CLTC: variants seen among roughly 807,000 people sequenced by gnomAD.
CLTC encodes the protein clathrin heavy chain 1.
In CLTC, 16 loss-of-function variants were observed where a neutral mutation model predicts 195.8. The observed-to-expected ratio is 0.08, with a 90% confidence interval of 0.06 to 0.12. The LOEUF (loss-of-function observed/expected upper bound fraction) is 0.12, where lower values mean the gene tolerates loss of function less well. CLTC is among the 10% of genes least tolerant of loss of function. CLTC has a pLI of 1.00. For synonymous variants in CLTC, 667 were observed against 689.4 expected (o/e 0.97, Z 0.51); for missense variants, 796 against 2,027.0 (o/e 0.39, Z 11.66).
intron 6 of CLTC, among the ~76,000 whole-genome samples, chr17:59,658,374 C>T (rs1414163982): frequency 3.3e-5 from 5 of 152,172 alleles, no homozygotes; most frequent in African/African-American, 4.8e-5. Context: ...TTTAAGATAG[C>T]GCTTAACCTT....
intron 6 of CLTC, among the ~76,000 whole-genome samples, chr17:59,659,991 T>G (rs1303576857): frequency 6.6e-6 from 1 of 152,232 alleles, no homozygotes; most frequent in Non-Finnish European, 1.5e-5. Context: ...TTCTGTAGGT[T>G]ATCAAGATTG....
chr17:59,641,104 C>T (rs1348611484), intron 1 of CLTC, among the ~76,000 whole-genome samples: 2 of 131,910 alleles, frequency 1.5e-5, no homozygotes, highest in Non-Finnish European at 3.4e-5. Context: ...GGTGACAGAG[C>T]GAGACTCGGT....
rs199946332 is a variant in CLTC, at chr17:59,682,591, A to T, written c.3601-38A>T. The T allele has an allele frequency of 2.0e-5, 32 of 1,609,232 alleles. No individual in the cohort carries two copies. Among genetic ancestry groups the T allele is most frequent in the Non-Finnish European group, 2.5e-5 (30 of 1,176,534 alleles). ...TTGAAAAGAGGATTAAGCTCACACT[A>T]ATATCTTGCTGAATGTGGGTTACCT... is the stretch of plus-strand genomic sequence containing the variant. On this transcript the variant is annotated intron_variant, in intron 22 of 31. Transcript: ENST00000269122. The surrounding 1 kb of genome is among the most constrained non-coding windows in gnomAD (Gnocchi z 6.8).
At chr17:59,654,549 C>G (rs184067068) in intron 5 of CLTC, among the ~76,000 whole-genome samples, 1 of 151,934 alleles carries the variant, frequency 6.6e-6, no homozygotes, top group Admixed American at 6.6e-5. Flanking sequence ...GGCACCATCT[C>G]GGCTCACTGC....
At position 59,666,091 on chromosome 17, in the gene CLTC, C is replaced by CT; in HGVS notation, c.1645-5dup. The stretch of plus-strand genomic sequence containing the variant: ...TATCTTAAAACAATTTCTTTTAAAT[C>CT]TTTTTTTGTAGATTGTAGATGTCTT... On this transcript the variant is annotated splice_polypyrimidine_tract_variant and intron_variant, in intron 10 of 31. Transcript: ENST00000269122. The surrounding 1 kb of genome is among the most constrained non-coding windows in gnomAD (Gnocchi z 4.9). 4 of 1,582,806 alleles carry CT rather than the reference C, an allele frequency of 2.5e-6. No homozygotes were observed. The highest frequency in any genetic ancestry group is 1.1e-5 in the South Asian group (1 of 88,944).
rs2087299884 is a variant in CLTC, at chr17:59,695,916, A to AT, written c.*2065dup. The AT allele has an allele frequency of 5.0e-6, 1 of 202,002 alleles. No individual in the cohort carries two copies. The allele number at this position is 202,002 out of a possible 1,614,324, so 12.5% of individuals were successfully genotyped here. A position where few individuals can be genotyped will look rare whatever the true frequency, so the allele number is the denominator to read the frequency against. ...TTCTGCAGAGTATACTTTGAAAACTATAAGATTATGAGTTCTATAAAATAC... is the reference window on the plus strand; with the variant it reads ...TTCTGCAGAGTATACTTTGAAAACTATTAAGATTATGAGTTCTATAAAATAC... On this transcript the variant is annotated 3_prime_UTR_variant, in exon 32 of 32. Transcript: ENST00000269122.
rs1038180264 is a variant in CLTC at position 59,663,987 on chromosome 17, C to T, written c.1514C>T (p.Ala505Val). 6.8e-6 allele frequency: 11 copies of T among 1,610,368 alleles called. No individual in the cohort carries two copies. Among genetic ancestry groups the T allele is most frequent in the Non-Finnish European group, 9.3e-6 (11 of 1,178,786 alleles). The change falls in exon 9 of 32, where the codon GCT becomes GTT. Residue 505 changes from alanine (A) to valine (V), a missense_variant. Transcript: ENST00000269122. ...CAAGTCCAAAAGATTGTTTTATATGCTAAAAAAGTGAGTTCAATGAAACAC... is the reference window on the plus strand; with the variant it reads ...CAAGTCCAAAAGATTGTTTTATATGTTAAAAAAGTGAGTTCAATGAAACAC... ...TGQVQKIVLY[A>V]KKVGYTPDWI...
chr17:59,681,979 G>A lies in CLTC; in HGVS notation c.3442+140G>A. ...CTCCATCTTAGTCCAGATAAAAAGA[G>A]GCTGTATTTTGTGAATTTGTAAGTT... On this transcript the variant is annotated intron_variant, in intron 21 of 31. Coordinates refer to ENST00000269122, the MANE Select transcript of CLTC (RefSeq NM_004859.4). This position sits in a 1 kb window ranked among gnomAD's most constrained non-coding sequence, Gnocchi z 5.0. 1 of 800,128 alleles carries A rather than the reference G, an allele frequency of 1.2e-6. No individual in the cohort carries two copies. The allele number at this position is 800,128 out of a possible 1,614,324, so 49.6% of individuals were successfully genotyped here.
intron 31 of CLTC, among the ~76,000 whole-genome samples, chr17:59,691,635 AT>A (rs2033302652): frequency 7.1e-6 from 1 of 140,436 alleles, no homozygotes; most frequent in African/African-American, 2.9e-5. Flanking sequence ...AAAAAAAAAT[AT>A]ATATATATAT....
chr17:59,627,607 T>G (rs567689546), intron 1 of CLTC, among the ~76,000 whole-genome samples: 2 of 152,332 alleles, frequency 1.3e-5, no homozygotes, highest in African/African-American at 4.8e-5. Flanking sequence ...CGTGAAATAT[T>G]TTTTATATTA....
At chr17:59,647,846 T>C (rs929624739) in intron 3 of CLTC, among the ~76,000 whole-genome samples, 180 bp downstream of exon 3, 2 of 152,074 alleles carry the variant, frequency 1.3e-5, no homozygotes, top group Non-Finnish European at 2.9e-5. Context: ...TCCCTTCTCT[T>C]CTTCCTCGCT....
Position 59,647,552 on chromosome 17 carries a change from G to A in CLTC, c.405G>A (p.Glu135=). The A allele has an allele frequency of 6.2e-7, 1 of 1,614,142 alleles. No individual in the cohort carries two copies. Among genetic ancestry groups the A allele is most frequent in the Non-Finnish European group, 8.5e-7 (1 of 1,180,022 alleles). ...TTTATCACTGGAGTATGGAAGGAGA[G>A]TCTCAGCCAGTGAAAATGTTTGATC... is the stretch of plus-strand genomic sequence containing the variant. ...NAVYHWSMEG[E]SQPVKMFDRH... Residue 135 remains glutamate (E), a synonymous_variant, in exon 3 of 32, where the codon GAG becomes GAA. Transcript: ENST00000269122.
chr17:59,693,558 G>A (rs1567978729), intron 31 of CLTC, among the ~76,000 whole-genome samples, 170 bp from the exon 32 acceptor site: 1 of 152,114 alleles, frequency 6.6e-6, no homozygotes, highest in Non-Finnish European at 1.5e-5. Flanking sequence ...CCTTCTTAGA[G>A]TAAGACTGTC....
intron 31 of CLTC, among the ~76,000 whole-genome samples, chr17:59,692,104 G>T (rs968812825): frequency 6.6e-6 from 1 of 152,174 alleles, no homozygotes; most frequent in Non-Finnish European, 1.5e-5. Flanking sequence ...GGATCATGAG[G>T]TCAGGAGATC....
chr17:59,667,689 T>C (rs2032762245), intron 13 of CLTC, among the ~76,000 whole-genome samples: 1 of 152,212 alleles, frequency 6.6e-6, no homozygotes, highest in South Asian at 2.1e-4. Flanking sequence ...GCATTCCTGG[T>C]TTCTACCCAC....
intron 1 of CLTC, among the ~76,000 whole-genome samples, chr17:59,629,151 ACAAAAACCCAT>A (rs965743022): frequency 2.6e-5 from 4 of 152,220 alleles, no homozygotes; most frequent in Non-Finnish European, 4.4e-5. Context: ...AACATGGTTT[ACAAAAACCCAT>A]CTCTTTCTCC....
chr17:59,629,510 A>G (rs1161160499), intron 1 of CLTC, among the ~76,000 whole-genome samples: 1 of 144,490 alleles, frequency 6.9e-6, no homozygotes, highest in East Asian at 2.1e-4. Flanking sequence ...ATGTTTCTAG[A>G]GATCATAATT....
At chr17:59,629,402 C>T (rs1028629114) in intron 1 of CLTC, among the ~76,000 whole-genome samples, 1 of 152,158 alleles carries the variant, frequency 6.6e-6, no homozygotes, top group South Asian at 2.1e-4. Context: ...ACAAATTTTA[C>T]ACATCTAAAA....
rs772247509 is a variant in CLTC, at chr17:59,683,292, A to G, written c.4041+30A>G. On this transcript the variant is annotated intron_variant, in intron 25 of 31. Transcript: ENST00000269122. The surrounding 1 kb of genome is among the most constrained non-coding windows in gnomAD (Gnocchi z 6.1). ...CCAGTCATTGTAACACAGTGAAGCA[A>G]CTGTGTAGTTAAAACTAATGCTTCA... The G allele has an allele frequency of 2.6e-5, 42 of 1,609,780 alleles. No homozygotes were observed. The South Asian group carries it at 4.5e-4, about 17-fold the overall frequency.
Sources: allele counts gnomAD v4.1 joint callset (sites outside exome capture counted in the v4.1 genomes callset), GRCh38; gene constraint gnomAD v4.1.1; non-coding constraint Gnocchi (gnomAD v3.1); transcripts MANE v1.5; gene names NCBI Gene and HGNC (gene_info 2026-07-23, HGNC 2026-07-21).